Variants in ZNF446 observed in about 807,000 individuals in gnomAD.
ZNF446 encodes zinc finger protein 446.
Under a neutral mutation model 34.0 loss-of-function variants are expected in ZNF446, and 42 were observed. The ratio of observed to expected loss-of-function variants is 1.23; its 90% confidence interval spans 0.96 to 1.60. The LOEUF (loss-of-function observed/expected upper bound fraction) is 1.60, where lower values mean the gene tolerates loss of function less well. Among genes scored for constraint, ZNF446 ranks in the 40% most tolerant of loss-of-function variants. The pLI, the probability that ZNF446 is intolerant of heterozygous loss-of-function variation, is 0.00. For missense variants in ZNF446, 650 were observed against 600.2 expected (o/e 1.08, Z -0.87); for synonymous variants, 315 against 251.0 (o/e 1.25, Z -2.41).
chr19:58,480,244 T>C lies in ZNF446; in HGVS notation c.871T>C (p.Trp291Arg). 6.3e-7 allele frequency: 1 copy of C among 1,583,992 alleles called. No homozygotes were observed. Among genetic ancestry groups the C allele is most frequent in the Non-Finnish European group, 8.5e-7 (1 of 1,169,928 alleles). ...GCCCCAGGGCCCAGGGCCGGCAGCC[T>C]GGGAGGGCTTGTCTGGGGCTGCCAC... Reference protein sequence around the residue: ...QPPQGPGPAAWEGLSGAATPA... With the variant: ...QPPQGPGPAAREGLSGAATPA... The change falls in exon 7 of 7, where the codon TGG (tryptophan) becomes CGG (arginine). Residue 291 changes from tryptophan (W) to arginine (R), a missense_variant. By Grantham distance (101) the Trp-to-Arg change is moderately radical. Coordinates refer to ENST00000594369, the MANE Select transcript of ZNF446 (RefSeq NM_017908.4). This position sits in a 1 kb window ranked among gnomAD's most constrained non-coding sequence, Gnocchi z 7.2.
rs753139707 is a variant in ZNF446, at chr19:58,479,660, G to A, written c.645G>A (p.Leu215=). ...PPRIQEEWGL[L]DRSQKELYWD... The stretch of plus-strand genomic sequence containing the variant: ...ATCCGCAGGAGGAGTGGGGGCTGCT[G>A]GACCGGTCACAGAAGGAACTGTACT... The change falls in exon 5 of 7, where the codon CTG becomes CTA. Residue 215 remains leucine, a synonymous_variant. Coordinates refer to ENST00000594369, the MANE Select transcript of ZNF446 (RefSeq NM_017908.4). The A allele has an allele frequency of 6.2e-7, 1 of 1,613,858 alleles. No individual in the cohort carries two copies. The highest frequency in any genetic ancestry group is 8.5e-7 in the Non-Finnish European group (1 of 1,179,950).
Position 58,480,633 on chromosome 19 carries a change from G to A in ZNF446, c.1260G>A (p.Gln420=). The A allele has an allele frequency of 1.2e-6, 2 of 1,612,542 alleles. No homozygotes were observed. Among genetic ancestry groups the A allele is most frequent in the Non-Finnish European group, 8.5e-7 (1 of 1,179,920 alleles). Residue 420 remains glutamine, a synonymous_variant, in exon 7 of 7, where the codon CAG becomes CAA. Coordinates refer to ENST00000594369, the MANE Select transcript of ZNF446 (RefSeq NM_017908.4). This position sits in a 1 kb window ranked among gnomAD's most constrained non-coding sequence, Gnocchi z 7.2. The stretch of plus-strand genomic sequence containing the variant: ...TCCACCGCAAGAGCCACACAGGCCA[G>A]CGGCGTCACTTCTGCAGTGACTGTG... ...LVIHRKSHTG[Q]RRHFCSDCGR...
chr19:58,477,738 G>T lies in ZNF446; in HGVS notation c.444G>T (p.Gly148=), dbSNP rs1255476786. Residue 148 remains glycine (G), a synonymous_variant, in exon 3 of 7, where the codon GGG becomes GGT. Coordinates refer to ENST00000594369, the MANE Select transcript of ZNF446 (RefSeq NM_017908.4). ...CCTCAGGGACAGTGGAGTCCCCTGG[G>T]GAAGGTCCCCAGGACACCAGAATAG... is the stretch of plus-strand genomic sequence containing the variant. ...PHPSGTVESP[G]EGPQDTRIEG... 1 of 1,613,534 alleles carries T rather than the reference G, an allele frequency of 6.2e-7. No individual in the cohort carries two copies.
At chr19:58,483,490 AAAT>A (rs1207093482), downstream of ZNF446, 3 of 152,154 alleles carry the variant, frequency 2.0e-5, no homozygotes, top group Non-Finnish European at 4.4e-5. Flanking sequence ...CCTGTCTCAA[AAAT>A]AATACTACTA....
chr19:58,486,531 C>G, the ZNF446 span, among the ~76,000 whole-genome samples: 1 of 152,060 alleles, frequency 6.6e-6, no homozygotes, highest in East Asian at 1.9e-4. Context: ...CCTCAGCCTC[C>G]CGAGTAGCTG....
At position 58,480,991 on chromosome 19, in the gene ZNF446, C is replaced by T; in HGVS notation, c.*265C>T. The T allele has an allele frequency of 4.0e-6, 2 of 500,042 alleles. No homozygotes were observed. The highest frequency in any genetic ancestry group is 3.3e-5 in the Admixed American group (1 of 30,038). The allele number at this position is 500,042 out of a possible 1,614,324, so 31.0% of individuals were successfully genotyped here. ...TGACCAGTGCCTGTGGGGTGACTGC[C>T]AAGCACCAGGCTCCCTCCCTCCCTG... is the stretch of plus-strand genomic sequence containing the variant. On this transcript the variant is annotated 3_prime_UTR_variant, in exon 7 of 7. Transcript: ENST00000594369. This position sits in a 1 kb window ranked among gnomAD's most constrained non-coding sequence, Gnocchi z 7.2.
Position 58,480,774 on chromosome 19 carries a change from G to A in ZNF446, c.*48G>A. On this transcript the variant is annotated 3_prime_UTR_variant, in exon 7 of 7. Coordinates refer to ENST00000594369, the MANE Select transcript of ZNF446 (RefSeq NM_017908.4). The surrounding 1 kb of genome is among the most constrained non-coding windows in gnomAD (Gnocchi z 7.2). ...CGGGGCCTCGGTGTTCTCGGGGCCT[G>A]GATACAGCCTCTGGGGCACCAGCAG... 6.4e-7 allele frequency: 1 copy of A among 1,561,664 alleles called. No individual in the cohort carries two copies. Among genetic ancestry groups the A allele is most frequent in the Non-Finnish European group, 8.7e-7 (1 of 1,155,226 alleles).
downstream of ZNF446, among the ~76,000 whole-genome samples, chr19:58,486,095 T>TC (rs1422517599): frequency 3.5e-5 from 5 of 143,496 alleles, no homozygotes; most frequent in Non-Finnish European, 6.1e-5. Context: ...TTTCTTTTTT[T>TC]TTTTTTTTTT....
chr19:58,478,759 A>C (rs1486190317), intron 4 of ZNF446, among the ~76,000 whole-genome samples: 2 of 151,576 alleles, frequency 1.3e-5, no homozygotes, highest in East Asian at 3.9e-4. Flanking sequence ...TCACCTCCAG[A>C]GAAGTCAGCT....
chr19:58,478,303 G>C, intron 4 of ZNF446, 122 bp downstream of exon 4: 1 of 883,060 alleles, frequency 1.1e-6, no homozygotes, highest in South Asian at 1.8e-5. Context: ...CCCAGAAGTG[G>C]AGTCTGTAAA....
intron 1 of ZNF446, among the ~76,000 whole-genome samples, chr19:58,476,792 C>T (rs1235886826): frequency 2.0e-5 from 3 of 152,092 alleles, no homozygotes; most frequent in Admixed American, 6.5e-5. Flanking sequence ...ACCTTCTACC[C>T]GCCCACCCTG....
chr19:58,477,137 C>T, intron 1 of ZNF446, 42 bp from the exon 2 acceptor site: 2 of 1,300,824 alleles, frequency 1.5e-6, no homozygotes, highest in Non-Finnish European at 2.1e-6. Flanking sequence ...TTCCCCTGGC[C>T]AGATTCTCTT....
chr19:58,478,020 C>A, intron 3 of ZNF446, 67 bp from the exon 4 acceptor site: 1 of 1,468,210 alleles, frequency 6.8e-7, no homozygotes, highest in Non-Finnish European at 9.3e-7. Context: ...AGCAGAGGAG[C>A]TCCTCATCTG....
downstream of ZNF446, among the ~76,000 whole-genome samples, chr19:58,485,806 C>T (rs373411638): frequency 2.6e-5 from 4 of 152,240 alleles, no homozygotes; most frequent in South Asian, 8.3e-4. Flanking sequence ...TGTCAAACTC[C>T]TAGCCTCAAG....
chr19:58,477,311 G>T lies in ZNF446; in HGVS notation c.93G>T (p.Gly31=). 6.2e-7 allele frequency: 1 copy of T among 1,613,260 alleles called. No individual in the cohort carries two copies. Among genetic ancestry groups the T allele is most frequent in the Middle Eastern group, 1.7e-4 (1 of 6,044 alleles). ...EPETARLRFR[G]FCYQEVAGPR... ...AGACTGCCCGCCTCCGCTTCCGAGG[G>T]TTCTGCTACCAGGAGGTGGCAGGTC... The change falls in exon 2 of 7, where the codon GGG becomes GGT. Residue 31 remains glycine, a synonymous_variant. Transcript: ENST00000594369.
chr19:58,485,750 A>AT (rs202239941), downstream of ZNF446, among the ~76,000 whole-genome samples: 786 of 151,700 alleles, frequency 5.2e-3, 13 homozygotes, highest in African/African-American at 0.018. Flanking sequence ...GATTTATTAA[A>AT]TTTTTTTTTG....
At position 58,481,023 on chromosome 19, in the gene ZNF446, G is replaced by C; in HGVS notation, c.*297G>C. ...CAGGCTCCCTCCCTCCCTGTGACAT[G>C]GCCTGGGCTGACAACACTCCCTCTC... On this transcript the variant is annotated 3_prime_UTR_variant, in exon 7 of 7. Coordinates refer to ENST00000594369, the MANE Select transcript of ZNF446 (RefSeq NM_017908.4). 2.4e-6 allele frequency: 1 copy of C among 425,368 alleles called. No individual in the cohort carries two copies. Among genetic ancestry groups the C allele is most frequent in the Admixed American group, 3.7e-5 (1 of 27,146 alleles). The allele number at this position is 425,368 out of a possible 1,614,324, so 26.3% of individuals were successfully genotyped here.
Position 58,479,922 on chromosome 19 carries a change from C to G in ZNF446, c.713-8C>G, listed in dbSNP as rs1453485522. On this transcript the variant is annotated splice_region_variant and splice_polypyrimidine_tract_variant and intron_variant, in intron 5 of 6. Transcript: ENST00000594369. ...CCCCATGCCTAACTGTGCCCCCCAC[C>G]CGGGCAGGGTTACCGCCCCACCAGC... The G allele has an allele frequency of 8.3e-6, 13 of 1,563,956 alleles. No homozygotes were observed. Among genetic ancestry groups the G allele is most frequent in the Non-Finnish European group, 9.5e-6 (11 of 1,157,434 alleles).
intron 4 of ZNF446, 82 bp from the exon 5 acceptor site, chr19:58,479,561 T>C: frequency 6.8e-7 from 1 of 1,479,170 alleles, no homozygotes; most frequent in South Asian, 1.3e-5. Context: ...TGCTGACTCT[T>C]CCGGGTAATA....
Sources: gnomAD v4.1 joint callset for allele counts (sites outside exome capture counted in the v4.1 genomes callset) on GRCh38, gnomAD v4.1.1 for gene constraint, Gnocchi (gnomAD v3.1) non-coding constraint, MANE v1.5 for transcripts, NCBI Gene and HGNC (gene_info 2026-07-23, HGNC 2026-07-21) for gene names.